Variants in CNTNAP2 observed in about 807,000 individuals in gnomAD.
CNTNAP2 encodes contactin associated protein 2.
In CNTNAP2, 98 loss-of-function variants were observed where a neutral mutation model predicts 155.2. The ratio of observed to expected loss-of-function variants is 0.63; its 90% confidence interval spans 0.54 to 0.75. The LOEUF is 0.75. CNTNAP2 is among the 30% of genes least tolerant of loss of function. The probability of loss-of-function intolerance (pLI) is 0.00; values close to 1 mark genes in which losing one functional copy is unlikely to be tolerated. For synonymous variants in CNTNAP2, 651 were observed against 631.2 expected, an observed-to-expected ratio of 1.03 and a Z score of -0.47; for missense variants, 1,727 against 1,688.1, an observed-to-expected ratio of 1.02 and a Z score of -0.40.
intron 13 of CNTNAP2, among the ~76,000 whole-genome samples, chr7:147,643,947 T>C (rs1283035759): frequency 6.6e-6 from 1 of 152,184 alleles, no homozygotes; most frequent in Non-Finnish European, 1.5e-5. Flanking sequence ...ACATGCCTTG[T>C]AATGTGCTCT....
At chr7:148,093,963 G>T (rs1466230797) in intron 15 of CNTNAP2, among the ~76,000 whole-genome samples, 1 of 152,074 alleles carries the variant, frequency 6.6e-6, no homozygotes, top group Non-Finnish European at 1.5e-5. Flanking sequence ...TCGCAATGTT[G>T]CCCAGGCTGG....
intron 13 of CNTNAP2, among the ~76,000 whole-genome samples, chr7:147,883,911 T>C (rs1271936772): frequency 2.0e-5 from 3 of 152,124 alleles, no homozygotes; most frequent in Non-Finnish European, 2.9e-5. Context: ...TCATAAACTC[T>C]AGTGGGAGGG....
At chr7:146,599,259 A>G (rs898264217) in intron 1 of CNTNAP2, among the ~76,000 whole-genome samples, 1 of 152,052 alleles carries the variant, frequency 6.6e-6, no homozygotes, top group Non-Finnish European at 1.5e-5. Flanking sequence ...AGCTAAAATA[A>G]TCATTCAATA....
At chr7:146,385,960 C>G (rs943767495) in intron 1 of CNTNAP2, among the ~76,000 whole-genome samples, 2 of 152,054 alleles carry the variant, frequency 1.3e-5, no homozygotes, top group South Asian at 4.1e-4. Flanking sequence ...ATAAGCATAT[C>G]ACATACAAGT....
chr7:147,978,157 T>C, intron 15 of CNTNAP2, 168 bp downstream of exon 15: 1 of 909,606 alleles, frequency 1.1e-6, no homozygotes, highest in South Asian at 1.5e-5. Context: ...CCATAAAGCC[T>C]CCAGTACAGG....
intron 13 of CNTNAP2, among the ~76,000 whole-genome samples, chr7:147,870,048 G>A (rs11765619): frequency 0.056 from 8,548 of 152,172 alleles, 258 homozygotes; most frequent in African/African-American, 0.066. Flanking sequence ...AATGACTAAG[G>A]CAAAGTCATA....
chr7:147,309,312 T>C (rs914662632), intron 9 of CNTNAP2, among the ~76,000 whole-genome samples: 4 of 152,142 alleles, frequency 2.6e-5, no homozygotes, highest in Non-Finnish European at 4.4e-5. Context: ...AAAGCCAACT[T>C]TTTCTAACCA....
intron 3 of CNTNAP2, among the ~76,000 whole-genome samples, chr7:146,849,721 C>A (rs1043154755): frequency 6.6e-6 from 1 of 152,188 alleles, no homozygotes; most frequent in Non-Finnish European, 1.5e-5. Flanking sequence ...CTCTTCTTAT[C>A]GTCCTCTTGT....
intron 1 of CNTNAP2, among the ~76,000 whole-genome samples, chr7:146,210,718 C>T (rs1381354590): frequency 6.6e-6 from 1 of 152,146 alleles, no homozygotes; most frequent in African/African-American, 2.4e-5. Flanking sequence ...TCCCCACTAA[C>T]CATTGCAAGA....
intron 9 of CNTNAP2, among the ~76,000 whole-genome samples, chr7:147,328,308 G>T (rs1795497337): frequency 6.6e-6 from 1 of 152,176 alleles, no homozygotes; most frequent in African/African-American, 2.4e-5. Context: ...GTAGATCAGT[G>T]ATACAAATTT....
intron 8 of CNTNAP2, among the ~76,000 whole-genome samples, chr7:147,196,671 T>C (rs938836260): frequency 2.0e-5 from 3 of 152,198 alleles, no homozygotes; most frequent in Admixed American, 6.5e-5. Flanking sequence ...ACTTGAGAAC[T>C]GGTCATCTGG....
intron 2 of CNTNAP2, among the ~76,000 whole-genome samples, chr7:146,798,485 G>A (rs1386996825): frequency 6.6e-6 from 1 of 152,094 alleles, no homozygotes; most frequent in Middle Eastern, 3.4e-3. Context: ...GGGATTACAG[G>A]TGTGCACCAT....
At chr7:146,192,120 A>G (rs956509231) in intron 1 of CNTNAP2, among the ~76,000 whole-genome samples, 1 of 152,160 alleles carries the variant, frequency 6.6e-6, no homozygotes, top group African/African-American at 2.4e-5. Flanking sequence ...AATGTCCATG[A>G]AATCTTCACA....
chr7:146,694,482 T>C (rs1402227519), intron 1 of CNTNAP2, among the ~76,000 whole-genome samples: 1 of 152,208 alleles, frequency 6.6e-6, no homozygotes, highest in Non-Finnish European at 1.5e-5. Flanking sequence ...CTTTCAATGA[T>C]GCTACCCAGT....
chr7:146,697,980 T>A (rs1035627971), intron 1 of CNTNAP2, among the ~76,000 whole-genome samples: 2 of 152,170 alleles, frequency 1.3e-5, no homozygotes, highest in African/African-American at 2.4e-5. Flanking sequence ...AGAGATTACC[T>A]TAGCGTTTGC....
At chr7:147,388,158 A>G (rs888700710) in intron 9 of CNTNAP2, among the ~76,000 whole-genome samples, 3 of 152,012 alleles carry the variant, frequency 2.0e-5, no homozygotes, top group Non-Finnish European at 4.4e-5. Flanking sequence ...TGATACTCAA[A>G]TTATTTATTT....
intron 11 of CNTNAP2, among the ~76,000 whole-genome samples, chr7:147,553,472 A>G (rs1401413443): frequency 1.3e-5 from 2 of 152,152 alleles, no homozygotes; most frequent in South Asian, 4.1e-4. Flanking sequence ...TCCTAAATCA[A>G]CTTATCCAGT....
At chr7:147,970,380 A>G (rs538282112) in intron 14 of CNTNAP2, among the ~76,000 whole-genome samples, 3 of 152,302 alleles carry the variant, frequency 2.0e-5, no homozygotes, top group Admixed American at 6.5e-5. Flanking sequence ...AACACTTGCT[A>G]TGGAAAAAGT....
intron 1 of CNTNAP2, among the ~76,000 whole-genome samples, chr7:146,593,276 C>T (rs1366949359): frequency 1.3e-5 from 2 of 151,824 alleles, no homozygotes; most frequent in Non-Finnish European, 2.9e-5. Flanking sequence ...TAGACCAGTC[C>T]GTTAGTGACC....
Sources: allele counts gnomAD v4.1 joint callset (sites outside exome capture counted in the v4.1 genomes callset), GRCh38; gene constraint gnomAD v4.1.1; transcripts MANE v1.5; gene names NCBI Gene and HGNC (gene_info 2026-07-23, HGNC 2026-07-21).